Variants in LAMC3 observed in about 807,000 individuals in gnomAD.
LAMC3 encodes laminin subunit gamma-3.
In LAMC3, 128 loss-of-function variants were observed where a neutral mutation model predicts 173.8. The observed-to-expected ratio is 0.74, with a 90% CI of 0.64 to 0.85. The LOEUF (loss-of-function observed/expected upper bound fraction) is 0.85. Among genes scored for constraint, LAMC3 ranks in the 40% least tolerant of loss-of-function variants. The pLI is 0.00. For missense variants in LAMC3, 2,022 were observed against 2,156.0 expected, an observed-to-expected ratio of 0.94 and a Z score of 1.23; for synonymous variants, 897 against 909.1, an observed-to-expected ratio of 0.99 and a Z score of 0.24.
chr9:131,076,053 C>A, intron 21 of LAMC3, 88 bp downstream of exon 21: 1 of 1,338,614 alleles, frequency 7.5e-7, no homozygotes, highest in Non-Finnish European at 1.0e-6. Context: ...GTTCCAGAGC[C>A]AGCTCCCTTG....
rs1239175446 is a variant in LAMC3, at chr9:131,094,390, G to A, written c.*2603G>A. Reference sequence around the variant, plus strand: ...CCAACCTAATGGGAGATGGTGTTCAGAGAAGAGGTGTGCTCCTCCACAGAA... The same window carrying A: ...CCAACCTAATGGGAGATGGTGTTCAAAGAAGAGGTGTGCTCCTCCACAGAA... On this transcript the variant is annotated 3_prime_UTR_variant, in exon 28 of 28. Coordinates refer to ENST00000361069, the MANE Select transcript of LAMC3 (RefSeq NM_006059.4). The A allele has an allele frequency of 2.0e-5, 3 of 152,234 alleles. No homozygotes were observed. The highest frequency in any genetic ancestry group is 2.9e-5 in the Non-Finnish European group (2 of 68,092). The allele number at this position is 152,234 out of a possible 1,614,324, so 9.4% of individuals were successfully genotyped here. A position where few individuals can be genotyped will look rare whatever the true frequency, so the allele number is the denominator to read the frequency against.
rs200393760 is a variant in LAMC3, at chr9:131,045,648, G to A, written c.1507G>A (p.Asp503Asn). Reference sequence around the variant, plus strand: ...GTTCCAGGTGCATCACATCCTCAGCGATTTCCACCAGGGTAAGAGATGCTC... The same window carrying A: ...GTTCCAGGTGCATCACATCCTCAGCAATTTCCACCAGGGTAAGAGATGCTC... ...AQFQVHHILS[D>N]FHQGAEGWWA... The change falls in exon 8 of 28, where the codon GAT (aspartate) becomes AAT (asparagine). Residue 503 changes from aspartate (D) to asparagine (N), a missense_variant. Transcript: ENST00000361069. The A allele has an allele frequency of 6.8e-6, 11 of 1,614,166 alleles. No homozygotes were observed. The highest frequency in any genetic ancestry group is 4.5e-5 in the East Asian group (2 of 44,890).
intron 1 of LAMC3, among the ~76,000 whole-genome samples, chr9:131,017,553 T>C (rs7035437): frequency 0.89 from 132,560 of 149,506 alleles, 59,077 homozygotes; most frequent in East Asian, 1. Context: ...GGTGAAACCC[T>C]TTCTCTATTA....
chr9:131,039,254 G>A lies in LAMC3; in HGVS notation c.1283+6G>A. 1 of 1,599,022 alleles carries A rather than the reference G, an allele frequency of 6.3e-7. No individual in the cohort carries two copies. Among genetic ancestry groups the A allele is most frequent in the Non-Finnish European group, 8.5e-7 (1 of 1,177,070 alleles). Reference sequence around the variant, plus strand: ...CTCAGTGAGGGAGGCTGCAGGTGAGGGCGAGGGGCGGCCCAGTATGGACAC... The same window carrying A: ...CTCAGTGAGGGAGGCTGCAGGTGAGAGCGAGGGGCGGCCCAGTATGGACAC... On this transcript the variant is annotated splice_donor_region_variant and intron_variant, in intron 6 of 27. Coordinates refer to ENST00000361069, the MANE Select transcript of LAMC3 (RefSeq NM_006059.4).
chr9:131,087,372 C>A, intron 25 of LAMC3, 104 bp from the exon 26 acceptor site: 1 of 1,389,038 alleles, frequency 7.2e-7, no homozygotes, highest in Non-Finnish European at 1.0e-6. Context: ...AATGATCTGC[C>A]TGGTACAGAC....
chr9:131,032,532 CT>C (rs1564368320), intron 3 of LAMC3, among the ~76,000 whole-genome samples: 1 of 66,096 alleles, frequency 1.5e-5, no homozygotes, highest in Admixed American at 1.5e-4. Flanking sequence ...CTCTCTCTCG[CT>C]GTCTCTCTCT....
At chr9:131,064,460 G>C (rs13284244) in intron 13 of LAMC3, among the ~76,000 whole-genome samples, 21 of 151,776 alleles carry the variant, frequency 1.4e-4, no homozygotes, top group Non-Finnish European at 5.9e-5. Flanking sequence ...TCAGGAGATC[G>C]AGACCATCCT....
intron 13 of LAMC3, among the ~76,000 whole-genome samples, chr9:131,064,152 C>T (rs1305545395): frequency 6.6e-6 from 1 of 152,148 alleles, no homozygotes; most frequent in Non-Finnish European, 1.5e-5. Flanking sequence ...AAGTGATCCA[C>T]TCACCTCAGC....
At position 131,045,623 on chromosome 9, in the gene LAMC3, G is replaced by C; in HGVS notation, c.1482G>C (p.Gln494His). 6.2e-7 allele frequency: 1 copy of C among 1,614,172 alleles called. No homozygotes were observed. Among genetic ancestry groups the C allele is most frequent in the Non-Finnish European group, 8.5e-7 (1 of 1,180,010 alleles). Reference sequence around the variant, plus strand: ...CCAAGGTGTGCGCGTCCACTGCCCAGTTCCAGGTGCATCACATCCTCAGCG... The same window carrying C: ...CCAAGGTGTGCGCGTCCACTGCCCACTTCCAGGTGCATCACATCCTCAGCG... Reference protein sequence around the residue: ...GHSKVCASTAQFQVHHILSDF... With the variant: ...GHSKVCASTAHFQVHHILSDF... Residue 494 changes from glutamine to histidine, a missense_variant, in exon 8 of 28, where the codon CAG (glutamine) becomes CAC (histidine). Gln to His is a conservative substitution (Grantham distance 24). Transcript: ENST00000361069.
intron 1 of LAMC3, among the ~76,000 whole-genome samples, chr9:131,012,609 A>G (rs1243192097): frequency 1.3e-5 from 2 of 152,158 alleles, no homozygotes; most frequent in Non-Finnish European, 2.9e-5. Flanking sequence ...TTGGTTTCCT[A>G]TGACTTAGGT....
intron 3 of LAMC3, among the ~76,000 whole-genome samples, 183 bp downstream of exon 3, chr9:131,032,358 C>G (rs1833840937): frequency 6.6e-6 from 1 of 152,042 alleles, no homozygotes; most frequent in Non-Finnish European, 1.5e-5. Context: ...CTGCCGGGTC[C>G]CCTGCATCAG....
At chr9:131,035,266 AAG>A (rs1169156529) in intron 3 of LAMC3, among the ~76,000 whole-genome samples, 1 of 152,136 alleles carries the variant, frequency 6.6e-6, no homozygotes, top group Non-Finnish European at 1.5e-5. Context: ...AATTTATTAA[AAG>A]AGGTTTAATT....
intron 1 of LAMC3, among the ~76,000 whole-genome samples, chr9:131,017,978 A>G (rs1833555046): frequency 6.6e-6 from 1 of 151,948 alleles, no homozygotes; most frequent in Non-Finnish European, 1.5e-5. Flanking sequence ...GTGAACCGAG[A>G]TCGCACCACT....
chr9:131,058,174 A>G (rs1448216355), intron 12 of LAMC3, among the ~76,000 whole-genome samples: 1 of 152,134 alleles, frequency 6.6e-6, no homozygotes, highest in East Asian at 1.9e-4. Context: ...GCTGGAGTGC[A>G]GTGGTGCAGT....
Position 131,068,150 on chromosome 9 carries a change from G to C in LAMC3, c.2666G>C (p.Cys889Ser), listed in dbSNP as rs1463045233. Residue 889 changes from cysteine to serine, a missense_variant, in exon 15 of 28, where the codon TGC becomes TCC. By Grantham distance (112) the Cys-to-Ser change is moderately radical. Coordinates refer to ENST00000361069, the MANE Select transcript of LAMC3 (RefSeq NM_006059.4). ...PCDPVTGQCS[C>S]LPHVTARDCS... ...GACCCAGTGACAGGCCAATGCTCCT[G>C]CCTGCCTCATGTGACTGCACGGGAC... The C allele has an allele frequency of 6.2e-7, 1 of 1,613,360 alleles. No homozygotes were observed. The highest frequency in any genetic ancestry group is 8.5e-7 in the Non-Finnish European group (1 of 1,180,032).
In LAMC3 at chr9:131,091,707, C is replaced by T; in HGVS notation, c.4648C>T (p.Leu1550Phe). The change falls in exon 28 of 28, where the codon CTC becomes TTC. Residue 1550 changes from leucine (L) to phenylalanine (F), a missense_variant. By Grantham distance (22) the Leu-to-Phe change is conservative. Coordinates refer to ENST00000361069, the MANE Select transcript of LAMC3 (RefSeq NM_006059.4). ...ELQIQGFESDLAEIRADKQNL... is the reference protein window; with the variant it reads ...ELQIQGFESDFAEIRADKQNL... ...GCAGATCCAGGGCTTCGAGAGTGAC[C>T]TCGCCGAGATCCGCGCCGACAAACA... is the stretch of plus-strand genomic sequence containing the variant. The T allele has an allele frequency of 6.2e-7, 1 of 1,612,190 alleles. No homozygotes were observed. The highest frequency in any genetic ancestry group is 1.3e-5 in the African/African-American group (1 of 75,026).
Position 131,073,280 on chromosome 9 carries a change from A to G in LAMC3, c.3453A>G (p.Lys1151=). 1 of 1,613,790 alleles carries G rather than the reference A, an allele frequency of 6.2e-7. No individual in the cohort carries two copies. Among genetic ancestry groups the G allele is most frequent in the South Asian group, 1.1e-5 (1 of 91,082 alleles). The change falls in exon 20 of 28, where the codon AAA becomes AAG. Residue 1151 remains lysine (K), a synonymous_variant. Coordinates refer to ENST00000361069, the MANE Select transcript of LAMC3 (RefSeq NM_006059.4). ...AGGAAGGTCCCAGTCAGCCGACCAA[A>G]TGGAGCCACCTGGCCACAGAGGCCC... The part of the protein sequence containing the change: ...IPQEGPSQPT[K]WSHLATEARA...
chr9:131,082,824 T>C (rs1830263844), intron 24 of LAMC3, among the ~76,000 whole-genome samples: 1 of 152,220 alleles, frequency 6.6e-6, no homozygotes, highest in East Asian at 1.9e-4. Flanking sequence ...CAGATGTCTC[T>C]TGGGGTCTGA....
At chr9:131,027,736 G>T (rs1360423706) in intron 2 of LAMC3, among the ~76,000 whole-genome samples, 2 of 152,242 alleles carry the variant, frequency 1.3e-5, no homozygotes, top group African/African-American at 4.8e-5. Context: ...TGTGACCAGT[G>T]CGGTGCTTGG....
Sources: gnomAD v4.1 joint callset for allele counts (sites outside exome capture counted in the v4.1 genomes callset) on GRCh38, gnomAD v4.1.1 for gene constraint, MANE v1.5 for transcripts, NCBI Gene and HGNC (gene_info 2026-07-23, HGNC 2026-07-21) for gene names.